Variants in CAMSAP2 observed in about 807,000 individuals in gnomAD.
The protein encoded by CAMSAP2 is calmodulin regulated spectrin associated protein family member 2.
Under a neutral mutation model 146.1 loss-of-function variants are expected in CAMSAP2, and 26 were observed. That is an observed-to-expected ratio of 0.18 (90% CI 0.13 to 0.25). CAMSAP2 has a LOEUF of 0.25. Ranked by LOEUF, CAMSAP2 falls within the 10% of genes least tolerant of loss-of-function variation. CAMSAP2 has a pLI of 1.00. For missense variants in CAMSAP2, 1,381 were observed against 1,759.3 expected, an observed-to-expected ratio of 0.78 and a Z score of 3.85; for synonymous variants, 499 against 596.6, an observed-to-expected ratio of 0.84 and a Z score of 2.38.
chr1:200,816,763 TAC>T lies in CAMSAP2; in HGVS notation c.645+1128_645+1129del, dbSNP rs1378831958. ...ACACACACGCGTGTATATATGTGTG[TAC>T]ACACACACGCGTGTATATATGTGTG... On this transcript the variant is annotated intron_variant, in intron 4 of 16. Transcript: ENST00000358823. Among the ~76,000 whole-genome samples the T allele has an allele frequency of 2.3e-4, 28 of 120,826 alleles. 8 individuals are homozygous for T. Among genetic ancestry groups the T allele is most frequent in the East Asian group, 4.7e-4 (2 of 4,256 alleles). 79.3% of individuals were successfully genotyped at this position (120,826 alleles called of 152,430 possible).
chr1:200,765,689 G>A (rs1270678060), intron 2 of CAMSAP2, among the ~76,000 whole-genome samples: 1 of 152,194 alleles, frequency 6.6e-6, no homozygotes, highest in Non-Finnish European at 1.5e-5. Flanking sequence ...AGAGGTGGAT[G>A]TGATCATCTC....
chr1:200,847,206 G>A lies in CAMSAP2; in HGVS notation c.1110-4G>A. 6.3e-7 allele frequency: 1 copy of A among 1,596,496 alleles called. No homozygotes were observed. Among genetic ancestry groups the A allele is most frequent in the Non-Finnish European group, 8.6e-7 (1 of 1,168,974 alleles). On this transcript the variant is annotated splice_polypyrimidine_tract_variant and splice_region_variant and intron_variant, in intron 8 of 16. Coordinates refer to ENST00000358823, the MANE Select transcript of CAMSAP2 (RefSeq NM_203459.4). ...TAACATTTTAAATTTATTTTCCATTGCAGTGGGGAAGGAGCTACATTTACA... is the reference window on the plus strand; with the variant it reads ...TAACATTTTAAATTTATTTTCCATTACAGTGGGGAAGGAGCTACATTTACA...
intron 1 of CAMSAP2, among the ~76,000 whole-genome samples, chr1:200,758,646 A>T (rs1193490976): frequency 6.6e-6 from 1 of 152,176 alleles, no homozygotes; most frequent in Admixed American, 6.5e-5. Flanking sequence ...TGCTTATTGG[A>T]TATTTCCACT....
intron 2 of CAMSAP2, among the ~76,000 whole-genome samples, chr1:200,772,449 A>C (rs1382028077): frequency 2.6e-5 from 4 of 152,062 alleles, no homozygotes; most frequent in Non-Finnish European, 5.9e-5. Context: ...TCTTTACTAA[A>C]CATACAAAAA....
intron 1 of CAMSAP2, among the ~76,000 whole-genome samples, chr1:200,744,188 C>T (rs1571706672): frequency 6.6e-6 from 1 of 152,118 alleles, no homozygotes; most frequent in East Asian, 1.9e-4. Context: ...TTGACTTCAG[C>T]CTGTACTTGT....
At chr1:200,814,487 G>A (rs1229127664) in intron 3 of CAMSAP2, among the ~76,000 whole-genome samples, 3 of 151,674 alleles carry the variant, frequency 2.0e-5, no homozygotes, top group Admixed American at 6.6e-5. Flanking sequence ...GCGGGCGCCT[G>A]TAATCCCAGT....
intron 2 of CAMSAP2, among the ~76,000 whole-genome samples, chr1:200,768,991 G>GA (rs1285764625): frequency 2.6e-5 from 4 of 152,224 alleles, no homozygotes; most frequent in Non-Finnish European, 5.9e-5. Context: ...ATGATACCTT[G>GA]ATTTATCAAG....
intron 7 of CAMSAP2, among the ~76,000 whole-genome samples, chr1:200,842,683 G>A (rs996653530): frequency 6.6e-6 from 1 of 151,996 alleles, no homozygotes; most frequent in Non-Finnish European, 1.5e-5. Context: ...AAAACTAGAG[G>A]TTTATTTCTA....
intron 1 of CAMSAP2, among the ~76,000 whole-genome samples, chr1:200,745,002 A>G (rs1664282059): frequency 6.6e-6 from 1 of 152,268 alleles, no homozygotes; most frequent in Admixed American, 6.5e-5. Flanking sequence ...AAAAAATACT[A>G]TTAAGTATAT....
chr1:200,807,115 G>C (rs1181005893), intron 2 of CAMSAP2, among the ~76,000 whole-genome samples: 1 of 152,044 alleles, frequency 6.6e-6, no homozygotes, highest in Non-Finnish European at 1.5e-5. Context: ...ATAAAAAATA[G>C]GAAAAACAAG....
intron 4 of CAMSAP2, 62 bp downstream of exon 4, chr1:200,815,706 A>G: frequency 1.2e-6 from 1 of 823,000 alleles, no homozygotes; most frequent in East Asian, 2.9e-5. Flanking sequence ...ACATATTTGT[A>G]TTATTTTGGG....
At chr1:200,833,334 G>A (rs751983004) in intron 6 of CAMSAP2, among the ~76,000 whole-genome samples, 3 of 152,160 alleles carry the variant, frequency 2.0e-5, no homozygotes, top group Non-Finnish European at 1.5e-5. Flanking sequence ...GAGGAGGTGG[G>A]CAGATAGCTT....
intron 2 of CAMSAP2, 28 bp from the exon 3 acceptor site, chr1:200,807,348 A>T (rs1256299687): frequency 7.0e-7 from 1 of 1,429,204 alleles, no homozygotes; most frequent in East Asian, 2.5e-5. Context: ...TAATTTTTAA[A>T]CTATTTGTTC....
Position 200,849,846 on chromosome 1 carries a change from G to C in CAMSAP2, c.3077G>C (p.Gly1026Ala). The change falls in exon 11 of 17, where the codon GGA becomes GCA. Residue 1026 changes from glycine (G) to alanine (A), a missense_variant. This residue lies in a region of CAMSAP2 where 560 missense variants were observed against 715.9 expected (regional missense o/e 0.78). Coordinates refer to ENST00000358823, the MANE Select transcript of CAMSAP2 (RefSeq NM_203459.4). This position sits in a 1 kb window ranked among gnomAD's most constrained non-coding sequence, Gnocchi z 6.3. ...TRSFVCFGDD[G>A]EPQLKESKPK... ...TCATTTGTATGTTTTGGGGATGATG[G>C]AGAACCTCAGTTAAAGGAATCCAAA... 6.2e-7 allele frequency: 1 copy of C among 1,614,186 alleles called. No individual in the cohort carries two copies. Among genetic ancestry groups the C allele is most frequent in the Non-Finnish European group, 8.5e-7 (1 of 1,180,040 alleles).
intron 4 of CAMSAP2, among the ~76,000 whole-genome samples, chr1:200,824,106 A>G (rs1252725324): frequency 6.6e-6 from 1 of 152,118 alleles, no homozygotes; most frequent in Non-Finnish European, 1.5e-5. Context: ...CTCCAGGCTC[A>G]TCTTGTTCTT....
Position 200,855,989 on chromosome 1 carries a change from CAT to C in CAMSAP2, c.3897-18_3897-17del. On this transcript the variant is annotated intron_variant, in intron 14 of 16. Coordinates refer to ENST00000358823, the MANE Select transcript of CAMSAP2 (RefSeq NM_203459.4). Reference sequence around the variant, plus strand: ...TTTTTTCTCTGTTTGAGACATAAAACATATTTTATTTTCTAATTAGATCAGAG... The same window carrying C: ...TTTTTTCTCTGTTTGAGACATAAAACATTTTATTTTCTAATTAGATCAGAG... 2.0e-6 allele frequency: 3 copies of C among 1,504,062 alleles called. No homozygotes were observed. The highest frequency in any genetic ancestry group is 1.8e-6 in the Non-Finnish European group (2 of 1,084,538). 93.2% of individuals were successfully genotyped at this position (1,504,062 alleles called of 1,614,324 possible).
chr1:200,777,764 A>C (rs1457663901), intron 2 of CAMSAP2, among the ~76,000 whole-genome samples: 1 of 152,202 alleles, frequency 6.6e-6, no homozygotes, highest in Non-Finnish European at 1.5e-5. Context: ...AATCTATATT[A>C]AAAAGTGTGA....
intron 2 of CAMSAP2, among the ~76,000 whole-genome samples, chr1:200,801,028 G>A (rs1288769411): frequency 6.6e-6 from 1 of 152,178 alleles, no homozygotes; most frequent in African/African-American, 2.4e-5. Context: ...CACTTTGGGA[G>A]GCCAAGACGG....
chr1:200,774,409 T>C (rs1665210833), intron 2 of CAMSAP2, among the ~76,000 whole-genome samples: 1 of 152,204 alleles, frequency 6.6e-6, no homozygotes, highest in Non-Finnish European at 1.5e-5. Flanking sequence ...TGCACTATGT[T>C]AGAAGCTGTC....
Sources: allele counts gnomAD v4.1 joint callset (sites outside exome capture counted in the v4.1 genomes callset), GRCh38; gene constraint gnomAD v4.1.1; regional missense constraint gnomAD v4.1.1; non-coding constraint Gnocchi (gnomAD v3.1); transcripts MANE v1.5; gene names NCBI Gene and HGNC (gene_info 2026-07-23, HGNC 2026-07-21).